The following SHISA9 variants were observed in gnomAD, a reference collection of about 807,000 sequenced individuals.
SHISA9 encodes protein shisa-9.
Under a neutral mutation model 38.0 loss-of-function variants are expected in SHISA9, and 13 were observed. The observed-to-expected ratio is 0.34, with a 90% CI of 0.22 to 0.54. The LOEUF (loss-of-function observed/expected upper bound fraction) is 0.54. Among genes scored for constraint, SHISA9 ranks in the 20% least tolerant of loss-of-function variants. SHISA9 has a pLI of 0.91. For missense variants in SHISA9, 538 were observed against 575.8 expected, an observed-to-expected ratio of 0.93 and a Z score of 0.67; for synonymous variants, 275 against 242.0, an observed-to-expected ratio of 1.14 and a Z score of -1.27.
At chr16:12,963,534 C>G (rs924323750) in intron 2 of SHISA9, among the ~76,000 whole-genome samples, 7 of 152,190 alleles carry the variant, frequency 4.6e-5, no homozygotes, top group Non-Finnish European at 1.0e-4. Flanking sequence ...TAATAGTTGA[C>G]ATTCATCAAA....
At chr16:12,973,663 T>G (rs541247637) in intron 2 of SHISA9, among the ~76,000 whole-genome samples, 2 of 152,218 alleles carry the variant, frequency 1.3e-5, no homozygotes, top group African/African-American at 4.8e-5. Flanking sequence ...ATGTAACACA[T>G]TGAACTTTTC....
the SHISA9 span, among the ~76,000 whole-genome samples, chr16:13,525,198 C>A: frequency 6.6e-6 from 1 of 152,116 alleles, no homozygotes; most frequent in African/African-American, 2.4e-5. Context: ...AGCCTGGGAA[C>A]CACCCTTTGA....
At chr16:13,013,745 T>C (rs74383006) in intron 2 of SHISA9, among the ~76,000 whole-genome samples, 1 of 152,066 alleles carries the variant, frequency 6.6e-6, no homozygotes, top group Non-Finnish European at 1.5e-5. Context: ...TTTTTTTTTT[T>C]GAGACGGAGT....
At chr16:13,367,710 GCGCA>G in the SHISA9 span, among the ~76,000 whole-genome samples, 2,098 of 90,500 alleles carry the variant, frequency 0.023, 19 homozygotes, top group Non-Finnish European at 0.026. Flanking sequence ...GCGCGCGCGC[GCGCA>G]CACACACACA....
chr16:13,490,991 T>C, the SHISA9 span, among the ~76,000 whole-genome samples: 1 of 152,232 alleles, frequency 6.6e-6, no homozygotes. Context: ...AAGATGTATA[T>C]TGAAGTTCAG....
chr16:13,531,695 C>T, the SHISA9 span, among the ~76,000 whole-genome samples: 1 of 152,150 alleles, frequency 6.6e-6, no homozygotes, highest in South Asian at 2.1e-4. Flanking sequence ...ATTTTGAAGT[C>T]AGAGATGTAT....
the SHISA9 span, among the ~76,000 whole-genome samples, chr16:13,259,455 T>C: frequency 6.6e-6 from 1 of 152,174 alleles, no homozygotes; most frequent in Non-Finnish European, 1.5e-5. Context: ...TTCTCACAGC[T>C]CCACTAGGCA....
At chr16:12,990,490 A>G (rs1430643329) in intron 2 of SHISA9, among the ~76,000 whole-genome samples, 2 of 152,230 alleles carry the variant, frequency 1.3e-5, no homozygotes, top group Admixed American at 1.3e-4. Context: ...ATGAGATGGT[A>G]TCTCACTGTG....
the SHISA9 span, among the ~76,000 whole-genome samples, chr16:13,469,278 AAGAG>A: frequency 7.6e-6 from 1 of 132,362 alleles, no homozygotes; most frequent in African/African-American, 2.9e-5. Flanking sequence ...AATTTAAGGT[AAGAG>A]AGAGAGAGAG....
chr16:13,234,918 C>G, intron 4 of SHISA9, 112 bp from the exon 5 acceptor site: 1 of 1,306,888 alleles, frequency 7.7e-7, no homozygotes, highest in Non-Finnish European at 1.0e-6. Flanking sequence ...ACTGTTGGCC[C>G]ATTTTTATGC....
intron 2 of SHISA9, among the ~76,000 whole-genome samples, chr16:13,102,038 C>G (rs1171985367): frequency 5.3e-5 from 8 of 152,136 alleles, no homozygotes; most frequent in Admixed American, 5.2e-4. Flanking sequence ...TGTGTGCTCC[C>G]TACTCACCCA....
chr16:13,079,155 C>T (rs763497082), intron 2 of SHISA9, among the ~76,000 whole-genome samples: 68 of 152,266 alleles, frequency 4.5e-4, no homozygotes, highest in Non-Finnish European at 8.1e-4. Flanking sequence ...CGAGCACAGC[C>T]CTTGGCACGT....
intron 2 of SHISA9, among the ~76,000 whole-genome samples, chr16:13,149,568 A>T (rs2050479044): frequency 6.6e-6 from 1 of 152,098 alleles, no homozygotes; most frequent in Admixed American, 6.5e-5. Flanking sequence ...TGAGCGGATT[A>T]CATTGCATCT....
At chr16:13,032,576 A>G (rs2073004824) in intron 2 of SHISA9, among the ~76,000 whole-genome samples, 1 of 152,226 alleles carries the variant, frequency 6.6e-6, no homozygotes, top group Non-Finnish European at 1.5e-5. Flanking sequence ...AGTAATTTTT[A>G]GAAATGTGTA....
intron 2 of SHISA9, among the ~76,000 whole-genome samples, chr16:12,984,031 C>A (rs751396449): frequency 1.3e-5 from 2 of 152,106 alleles, no homozygotes; most frequent in Non-Finnish European, 2.9e-5. Context: ...TAAATACTTG[C>A]TTCTTAACAT....
chr16:13,291,844 A>T, the SHISA9 span, among the ~76,000 whole-genome samples: 1 of 152,134 alleles, frequency 6.6e-6, no homozygotes, highest in Non-Finnish European at 1.5e-5. Context: ...TGGTAGGCAA[A>T]CTGCAGCCTT....
At chr16:13,070,962 C>T (rs1644170062) in intron 2 of SHISA9, among the ~76,000 whole-genome samples, 1 of 152,128 alleles carries the variant, frequency 6.6e-6, no homozygotes, top group Non-Finnish European at 1.5e-5. Context: ...TGCTTTCCTC[C>T]ACTCTTATCC....
At chr16:13,333,404 T>C in the SHISA9 span, among the ~76,000 whole-genome samples, 1 of 152,174 alleles carries the variant, frequency 6.6e-6, no homozygotes, top group Non-Finnish European at 1.5e-5. Flanking sequence ...AAGCTCGTCC[T>C]TGGGTGTACA....
chr16:13,279,635 G>A, the SHISA9 span, among the ~76,000 whole-genome samples: 5 of 152,026 alleles, frequency 3.3e-5, no homozygotes, highest in African/African-American at 9.6e-5. Flanking sequence ...ACTGATGGAT[G>A]TAGAGGTCTA....
Sources: gnomAD v4.1 joint callset for allele counts (sites outside exome capture counted in the v4.1 genomes callset) on GRCh38, gnomAD v4.1.1 for gene constraint, MANE v1.5 for transcripts, NCBI Gene and HGNC (gene_info 2026-07-23, HGNC 2026-07-21) for gene names.